DOK6: variants seen among roughly 807,000 people sequenced by gnomAD.
DOK6 encodes the protein docking protein 6, also known as downstream of tyrosine kinase 6.
In DOK6, 22 loss-of-function variants were observed where a neutral mutation model predicts 44.0. The ratio of observed to expected loss-of-function variants is 0.50; its 90% CI spans 0.36 to 0.71. The LOEUF (loss-of-function observed/expected upper bound fraction) is 0.71, where lower values mean the gene tolerates loss of function less well. DOK6 is among the 30% of genes least tolerant of loss of function. The probability of loss-of-function intolerance (pLI) is 0.00; values close to 1 mark genes in which losing one functional copy is unlikely to be tolerated. For missense variants in DOK6, 340 were observed against 416.4 expected (o/e 0.82, Z 1.60); for synonymous variants, 166 against 145.5 (o/e 1.14, Z -1.01).
At chr18:69,718,395 A>G (rs1159494710) in intron 5 of DOK6, among the ~76,000 whole-genome samples, 1 of 152,212 alleles carries the variant, frequency 6.6e-6, no homozygotes, top group African/African-American at 2.4e-5. Flanking sequence ...TGAGGGAAAC[A>G]TACAGTTTCC....
intron 2 of DOK6, among the ~76,000 whole-genome samples, chr18:69,568,162 C>A (rs975828857): frequency 1.3e-5 from 2 of 152,214 alleles, no homozygotes; most frequent in Admixed American, 6.5e-5. Flanking sequence ...TTGCAGAGAC[C>A]ACTCTGGCTC....
At chr18:69,565,449 C>T (rs1332419405) in intron 2 of DOK6, among the ~76,000 whole-genome samples, 2 of 150,882 alleles carry the variant, frequency 1.3e-5, no homozygotes, top group African/African-American at 2.4e-5. Flanking sequence ...GCTTGTAAAA[C>T]TCTAGGAACC....
intron 3 of DOK6, among the ~76,000 whole-genome samples, chr18:69,653,929 T>C (rs4891369): frequency 0.64 from 96,637 of 151,972 alleles, 31,336 homozygotes; most frequent in Admixed American, 0.74. Context: ...TTAATAGAAA[T>C]GGGGCCACAG....
chr18:69,485,195 A>G (rs1327030462), intron 1 of DOK6, among the ~76,000 whole-genome samples: 1 of 152,194 alleles, frequency 6.6e-6, no homozygotes, highest in Non-Finnish European at 1.5e-5. Flanking sequence ...ATGATGCAAC[A>G]GCAATGCTCC....
intron 7 of DOK6, among the ~76,000 whole-genome samples, chr18:69,791,988 G>T (rs978437530): frequency 5.3e-5 from 8 of 152,032 alleles, no homozygotes; most frequent in African/African-American, 1.9e-4. Context: ...GGTTTTCCCA[G>T]CACCATTTAT....
chr18:69,763,238 T>G (rs1211809453), intron 7 of DOK6, among the ~76,000 whole-genome samples: 3 of 152,240 alleles, frequency 2.0e-5, no homozygotes. Flanking sequence ...TTGTAGCAGG[T>G]TGAGTTATGC....
Position 69,739,257 on chromosome 18 carries a change from A to G in DOK6, c.738+154A>G, listed in dbSNP as rs1978721804. ...TACCCTACCCTCTCATCTCTCTAATATCCTATTCAATATGTCAAAAAAGAA... is the reference window on the plus strand; with the variant it reads ...TACCCTACCCTCTCATCTCTCTAATGTCCTATTCAATATGTCAAAAAAGAA... On this transcript the variant is annotated intron_variant, in intron 6 of 7. Transcript: ENST00000382713. 4.3e-6 allele frequency: 4 copies of G among 921,072 alleles called. No homozygotes were observed. In the South Asian group the frequency reaches 6.5e-5, roughly 15 times the overall value. 57.1% of individuals were successfully genotyped at this position (921,072 alleles called of 1,614,324 possible). A position where few individuals can be genotyped will look rare whatever the true frequency, so the allele number is the denominator to read the frequency against.
intron 1 of DOK6, among the ~76,000 whole-genome samples, chr18:69,450,982 C>T (rs1311984720): frequency 2.7e-5 from 4 of 147,768 alleles, no homozygotes. Flanking sequence ...ACCATCGAGA[C>T]TAGGAAGAAA....
At chr18:69,818,348 A>C (rs1004964687) in intron 7 of DOK6, among the ~76,000 whole-genome samples, 2 of 152,174 alleles carry the variant, frequency 1.3e-5, no homozygotes, top group Admixed American at 1.3e-4. Flanking sequence ...TGCACCAGGC[A>C]TGGTTCAGGC....
chr18:69,581,181 G>A (rs1055453200), intron 2 of DOK6, among the ~76,000 whole-genome samples: 4 of 152,138 alleles, frequency 2.6e-5, no homozygotes, highest in African/African-American at 9.7e-5. Context: ...TGCATAGCAG[G>A]GGTTGGGGCA....
chr18:69,829,352 G>T (rs1267976403), intron 7 of DOK6, among the ~76,000 whole-genome samples: 2 of 151,588 alleles, frequency 1.3e-5, no homozygotes, highest in Admixed American at 6.6e-5. Context: ...TAACACTATT[G>T]TTATCTAATA....
At chr18:69,770,021 A>G (rs1161709128) in intron 7 of DOK6, among the ~76,000 whole-genome samples, 2 of 152,196 alleles carry the variant, frequency 1.3e-5, no homozygotes, top group African/African-American at 4.8e-5. Context: ...TCTATGAACA[A>G]GATATTATGC....
chr18:69,488,843 G>A (rs964418751), intron 1 of DOK6, among the ~76,000 whole-genome samples: 4 of 152,162 alleles, frequency 2.6e-5, no homozygotes, highest in Admixed American at 6.5e-5. Context: ...ATTCACTTAT[G>A]TTATTCTCTT....
At chr18:69,739,370 A>C (rs1319981701) in intron 6 of DOK6, among the ~76,000 whole-genome samples, 2 of 152,250 alleles carry the variant, frequency 1.3e-5, no homozygotes, top group Admixed American at 6.5e-5. Flanking sequence ...AGTAGATTGC[A>C]TGAAATAAGA....
chr18:69,668,004 T>C (rs751695188), intron 3 of DOK6, among the ~76,000 whole-genome samples: 1 of 152,226 alleles, frequency 6.6e-6, no homozygotes, highest in Non-Finnish European at 1.5e-5. Context: ...CTTGTTATTT[T>C]CCTCTAAATC....
At chr18:69,505,216 A>G (rs1981149080) in intron 1 of DOK6, among the ~76,000 whole-genome samples, 1 of 152,182 alleles carries the variant, frequency 6.6e-6, no homozygotes, top group Non-Finnish European at 1.5e-5. Context: ...TTGTCACCTT[A>G]AACTTGGAGG....
chr18:69,824,729 G>A (rs577568469), intron 7 of DOK6, among the ~76,000 whole-genome samples: 1 of 152,282 alleles, frequency 6.6e-6, no homozygotes, highest in South Asian at 2.1e-4. Context: ...GACCCCTTGT[G>A]AATCCAGGCT....
chr18:69,735,706 C>A (rs1166364482), intron 5 of DOK6, among the ~76,000 whole-genome samples: 1 of 152,196 alleles, frequency 6.6e-6, no homozygotes, highest in Non-Finnish European at 1.5e-5. Flanking sequence ...AAACAGGCAT[C>A]CCCGCTAGGC....
chr18:69,670,847 C>G (rs1985780836), intron 3 of DOK6, among the ~76,000 whole-genome samples: 1 of 152,046 alleles, frequency 6.6e-6, no homozygotes, highest in Admixed American at 6.6e-5. Flanking sequence ...TAAGAATTCT[C>G]CCCCAATGCT....
Sources: allele counts gnomAD v4.1 joint callset (sites outside exome capture counted in the v4.1 genomes callset), GRCh38; gene constraint gnomAD v4.1.1; transcripts MANE v1.5; gene names NCBI Gene and HGNC (gene_info 2026-07-23, HGNC 2026-07-21).